Variants in JAKMIP2 observed in about 807,000 individuals in gnomAD.
JAKMIP2 encodes the protein janus kinase and microtubule interacting protein 2, also known as janus kinase and microtubule-interacting protein 2.
Under a neutral mutation model 115.0 loss-of-function variants are expected in JAKMIP2, and 25 were observed. The observed-to-expected ratio is 0.22, with a 90% CI of 0.16 to 0.30. The LOEUF (loss-of-function observed/expected upper bound fraction) is 0.30. Ranked by LOEUF, JAKMIP2 falls within the 10% of genes least tolerant of loss-of-function variation. JAKMIP2 has a pLI of 1.00. For synonymous variants in JAKMIP2, 334 were observed against 343.6 expected, an observed-to-expected ratio of 0.97 and a Z score of 0.31; for missense variants, 642 against 957.6, an observed-to-expected ratio of 0.67 and a Z score of 4.35.
rs1046270950 is a variant in JAKMIP2 at position 147,644,943 on chromosome 5, G to A, written c.990C>T (p.Asn330=). The A allele has an allele frequency of 5.0e-6, 8 of 1,613,652 alleles. No homozygotes were observed. The African/African-American group carries it at 6.7e-5, about 13-fold the overall frequency. Residue 330 remains asparagine (N), a synonymous_variant, in exon 6 of 22, where the codon AAC becomes AAT. Transcript: ENST00000616793. ...CATCGTTTCTCTTGGCGAGGCACTT[G>A]TTCCTTTCCAGGAGAGGTTTACATT... The part of the protein sequence containing the change: ...EKQCKPLLER[N]KCLAKRNDEL...
chr5:147,707,879 A>G (rs1332948433), intron 1 of JAKMIP2, among the ~76,000 whole-genome samples: 1 of 152,216 alleles, frequency 6.6e-6, no homozygotes, highest in Non-Finnish European at 1.5e-5. Flanking sequence ...TCCACAGGAC[A>G]GAATATAAGT....
chr5:147,653,496 C>T (rs879366704), intron 3 of JAKMIP2, among the ~76,000 whole-genome samples: 17 of 151,996 alleles, frequency 1.1e-4, no homozygotes, highest in African/African-American at 3.9e-4. Context: ...GTTTGTTGGC[C>T]GCATAAATGT....
At chr5:147,742,148 TATA>T (rs1561571015) in intron 1 of JAKMIP2, among the ~76,000 whole-genome samples, 2 of 111,008 alleles carry the variant, frequency 1.8e-5, no homozygotes, top group African/African-American at 4.0e-5. Context: ...ATTATATATA[TATA>T]TATATTTTTT....
chr5:147,669,720 A>G (rs1465391864), intron 2 of JAKMIP2, among the ~76,000 whole-genome samples: 1 of 152,162 alleles, frequency 6.6e-6, no homozygotes, highest in Non-Finnish European at 1.5e-5. Context: ...AGGCCAATGA[A>G]ATGTTCAGAG....
intron 1 of JAKMIP2, among the ~76,000 whole-genome samples, chr5:147,702,348 T>C (rs949432122): frequency 3.6e-4 from 54 of 150,254 alleles, no homozygotes; most frequent in African/African-American, 1.3e-3. Flanking sequence ...TTGAGTACAA[T>C]GTACATTGCT....
intron 1 of JAKMIP2, among the ~76,000 whole-genome samples, chr5:147,715,345 T>C (rs958149284): frequency 2.6e-5 from 4 of 151,722 alleles, no homozygotes; most frequent in South Asian, 2.1e-4. Context: ...AATATACCAA[T>C]TAAAAGATAG....
At chr5:147,690,499 G>C (rs921352511) in intron 1 of JAKMIP2, among the ~76,000 whole-genome samples, 3 of 140,932 alleles carry the variant, frequency 2.1e-5, no homozygotes, top group Non-Finnish European at 4.5e-5. Flanking sequence ...GACGAATGAA[G>C]TCCAAAGTAT....
intron 16 of JAKMIP2, among the ~76,000 whole-genome samples, chr5:147,623,986 C>T (rs1756981635): frequency 6.6e-6 from 1 of 152,118 alleles, no homozygotes; most frequent in African/African-American, 2.4e-5. Context: ...AGGCGCCTGC[C>T]ACCACGCCTG....
At position 147,661,422 on chromosome 5, in the gene JAKMIP2, C is replaced by A. The variant is rs1758966374; in HGVS notation, c.153G>T (p.Lys51Asn). The change falls in exon 3 of 22, where the codon AAG becomes AAT. Residue 51 changes from lysine (K) to asparagine (N), a missense_variant. By Grantham distance (94) the Lys-to-Asn change is moderately conservative. Around this residue, in one of 6 missense-constraint regions of JAKMIP2, gnomAD observed 439 missense variants for 570.9 expected, o/e 0.77. Transcript: ENST00000616793. ...CACGAATCCTCTTCGCTTCTTGAGT[C>A]TTCTCTCTTTCAAGCTTTGATACCT... ...KSKVSKLERE[K>N]TQEAKRIREL... The A allele has an allele frequency of 6.2e-7, 1 of 1,611,794 alleles. No individual in the cohort carries two copies.
intron 2 of JAKMIP2, among the ~76,000 whole-genome samples, chr5:147,664,195 G>A (rs1002678389): frequency 6.6e-6 from 1 of 152,166 alleles, no homozygotes; most frequent in African/African-American, 2.4e-5. Flanking sequence ...CTTGGACAGT[G>A]TTGCTCTGGA....
chr5:147,683,393 G>A (rs1760404600), intron 1 of JAKMIP2, among the ~76,000 whole-genome samples: 1 of 152,180 alleles, frequency 6.6e-6, no homozygotes, highest in African/African-American at 2.4e-5. Flanking sequence ...TCGGAAGGTT[G>A]AGGCACGAGA....
chr5:147,592,867 G>C (rs183905084), intron 21 of JAKMIP2, among the ~76,000 whole-genome samples: 1 of 152,290 alleles, frequency 6.6e-6, no homozygotes, highest in Non-Finnish European at 1.5e-5. Flanking sequence ...GCAACTTAAA[G>C]ATCCAAAGGC....
rs1003196571 is a variant in JAKMIP2, at chr5:147,611,535, A to G, written c.2412+771T>C. Among the ~76,000 whole-genome samples, 8 of 152,134 alleles carry G rather than the reference A, an allele frequency of 5.3e-5. No individual in the cohort carries two copies. The East Asian group carries it at 5.8e-4, about 11-fold the overall frequency. Reference sequence around the variant, plus strand: ...TGCACCCATTGTCTAACCAGTCCCAATGAGATGAACCAGGTACCTCAGTTA... The same window carrying G: ...TGCACCCATTGTCTAACCAGTCCCAGTGAGATGAACCAGGTACCTCAGTTA... On this transcript the variant is annotated intron_variant, in intron 20 of 21. Coordinates refer to ENST00000616793, the MANE Select transcript of JAKMIP2 (RefSeq NM_001270941.2).
intron 21 of JAKMIP2, chr5:147,595,456 G>C (rs1561836578): frequency 2.2e-6 from 1 of 456,786 alleles, no homozygotes; most frequent in Admixed American, 2.3e-5. Flanking sequence ...CAACAACAAG[G>C]CGCCATCTTG....
chr5:147,715,814 TTTC>T (rs1201721450), intron 1 of JAKMIP2, among the ~76,000 whole-genome samples: 1 of 149,880 alleles, frequency 6.7e-6, no homozygotes, highest in Non-Finnish European at 1.5e-5. Context: ...TAAAATTATA[TTTC>T]TTTTTTTTTT....
intron 3 of JAKMIP2, among the ~76,000 whole-genome samples, chr5:147,652,444 A>T (rs1758448486): frequency 2.0e-5 from 3 of 152,168 alleles, no homozygotes; most frequent in Admixed American, 2.0e-4. Context: ...CTGAAAATCA[A>T]CCAAAGCCCT....
intron 3 of JAKMIP2, among the ~76,000 whole-genome samples, chr5:147,659,301 C>T (rs1170828079): frequency 6.6e-6 from 1 of 152,144 alleles, no homozygotes; most frequent in Non-Finnish European, 1.5e-5. Context: ...CACCTGGCTG[C>T]GTGCACTTCC....
At chr5:147,631,339 G>A (rs1185197826) in intron 14 of JAKMIP2, 74 bp downstream of exon 14, 22 of 848,416 alleles carry the variant, frequency 2.6e-5, no homozygotes, top group East Asian at 2.7e-5. Context: ...CAAAATAGTC[G>A]TAAGTAACCT....
chr5:147,677,322 T>A (rs1760023427), intron 1 of JAKMIP2, among the ~76,000 whole-genome samples: 1 of 152,238 alleles, frequency 6.6e-6, no homozygotes, highest in African/African-American at 2.4e-5. Context: ...ATAAGCGCTG[T>A]CTTCAAGATG....
Sources: gnomAD v4.1 joint callset for allele counts (sites outside exome capture counted in the v4.1 genomes callset) on GRCh38, gnomAD v4.1.1 for gene constraint, gnomAD v4.1.1 regional missense constraint, MANE v1.5 for transcripts, NCBI Gene and HGNC (gene_info 2026-07-23, HGNC 2026-07-21) for gene names.